Variants in FAM234B observed in about 807,000 individuals in gnomAD.
The protein encoded by FAM234B is protein FAM234B.
In FAM234B, 33 loss-of-function variants were observed where a neutral mutation model predicts 69.3. The ratio of observed to expected loss-of-function variants is 0.48; its 90% CI spans 0.36 to 0.64. The LOEUF is 0.64. Among genes scored for constraint, FAM234B ranks in the 30% least tolerant of loss-of-function variants. FAM234B has a pLI of 0.00. For synonymous variants in FAM234B, 306 were observed against 306.9 expected (o/e 1.00, Z 0.03); for missense variants, 697 against 769.7 (o/e 0.91, Z 1.12).
intron 1 of FAM234B, among the ~76,000 whole-genome samples, chr12:13,046,264 TTGTC>T (rs1591593968): frequency 1.3e-5 from 2 of 152,064 alleles, no homozygotes; most frequent in East Asian, 3.9e-4. Flanking sequence ...GCGTTTTTCC[TTGTC>T]TCCTTCTTGC....
intron 9 of FAM234B, among the ~76,000 whole-genome samples, chr12:13,068,967 C>T (rs901739359): frequency 3.3e-5 from 5 of 151,944 alleles, no homozygotes; most frequent in Admixed American, 1.3e-4. Context: ...TACAGTTAGG[C>T]ATTGGGGGCC....
In FAM234B at chr12:13,055,915, C is replaced by T; in HGVS notation, c.402C>T (p.Ser134=). The T allele has an allele frequency of 6.3e-7, 1 of 1,577,364 alleles. No homozygotes were observed. Among genetic ancestry groups the T allele is most frequent in the Non-Finnish European group, 8.6e-7 (1 of 1,160,712 alleles). Reference sequence around the variant, plus strand: ...CCTGTCCTCCCAGAGATCTGCACAGCACCTGGAGCCGCCACTTGGGCTCCC... The same window carrying T: ...CCTGTCCTCCCAGAGATCTGCACAGTACCTGGAGCCGCCACTTGGGCTCCC... ...LIPCPPRDLH[S]TWSRHLGSQG... Residue 134 remains serine (S), a synonymous_variant, in exon 2 of 13, where the codon AGC becomes AGT. Coordinates refer to ENST00000197268, the MANE Select transcript of FAM234B (RefSeq NM_020853.2).
rs1865217010 is a variant in FAM234B, at chr12:13,080,769, G to A, written c.*139G>A. The A allele has an allele frequency of 1.4e-6, 1 of 701,750 alleles. No homozygotes were observed. Among genetic ancestry groups the A allele is most frequent in the African/African-American group, 1.8e-5 (1 of 54,796 alleles). The allele number at this position is 701,750 out of a possible 1,614,324, so 43.5% of individuals were successfully genotyped here. On this transcript the variant is annotated 3_prime_UTR_variant, in exon 13 of 13. Transcript: ENST00000197268. ...CCTCCCTGATGGTTGCAAAGGCTTG[G>A]GAAGGCATGTTGGAGTCTTTGACGG...
At chr12:13,053,568 G>C (rs976191868) in intron 1 of FAM234B, among the ~76,000 whole-genome samples, 3 of 152,300 alleles carry the variant, frequency 2.0e-5, no homozygotes, top group African/African-American at 7.2e-5. Context: ...TTTTAAAAGG[G>C]GAGGGGGTGT....
intron 1 of FAM234B, among the ~76,000 whole-genome samples, chr12:13,046,286 T>G (rs1864811027): frequency 6.6e-6 from 1 of 152,196 alleles, no homozygotes; most frequent in Non-Finnish European, 1.5e-5. Context: ...TGCCCTTTCT[T>G]CTTCCCTCCA....
At chr12:13,049,958 G>T (rs1385107323) in intron 1 of FAM234B, among the ~76,000 whole-genome samples, 1 of 152,164 alleles carries the variant, frequency 6.6e-6, no homozygotes, top group Non-Finnish European at 1.5e-5. Context: ...TGCCAAAGGG[G>T]TGATCTAGGG....
chr12:13,053,699 TA>T (rs748472234), intron 1 of FAM234B, among the ~76,000 whole-genome samples: 4 of 152,164 alleles, frequency 2.6e-5, no homozygotes, highest in Admixed American at 6.5e-5. Context: ...ATTGTCTTGA[TA>T]AACATCTTAA....
intron 5 of FAM234B, among the ~76,000 whole-genome samples, chr12:13,065,138 A>C (rs1438711145): frequency 3.9e-5 from 6 of 152,204 alleles, no homozygotes; most frequent in Admixed American, 3.9e-4. Context: ...TCCTAAGCAG[A>C]AAGAAATCTG....
chr12:13,075,438 T>TTA (rs898988138), intron 10 of FAM234B, among the ~76,000 whole-genome samples: 9 of 148,470 alleles, frequency 6.1e-5, no homozygotes, highest in Non-Finnish European at 8.9e-5. Flanking sequence ...CTTTTCTTTT[T>TTA]TTTTTTTTTT....
chr12:13,052,941 T>C (rs1032352620), intron 1 of FAM234B, among the ~76,000 whole-genome samples: 4 of 152,210 alleles, frequency 2.6e-5, no homozygotes, highest in Non-Finnish European at 2.9e-5. Flanking sequence ...AATTATTATG[T>C]GTAGAGTTAT....
intron 12 of FAM234B, among the ~76,000 whole-genome samples, chr12:13,080,410 A>T (rs1865211923): frequency 6.6e-6 from 1 of 152,180 alleles, no homozygotes; most frequent in African/African-American, 2.4e-5. Flanking sequence ...CCCCACTCCC[A>T]AGAAATATTA....
rs188380088 is a variant in FAM234B at position 13,079,325 on chromosome 12, C to G, written c.1643-464C>G. Among the ~76,000 whole-genome samples the G allele has an allele frequency of 9.2e-3, 1,395 of 152,302 alleles. 8 individuals are homozygous for G. Among genetic ancestry groups the G allele is most frequent in the Non-Finnish European group, 0.013 (901 of 68,022 alleles). ...TATTTAATAAATGGTGCTGGGAAAACTGGCTAGCCATATGTAGAAAGCTGA... is the reference window on the plus strand; with the variant it reads ...TATTTAATAAATGGTGCTGGGAAAAGTGGCTAGCCATATGTAGAAAGCTGA... On this transcript the variant is annotated intron_variant, in intron 11 of 12. Transcript: ENST00000197268.
At chr12:13,045,526 A>G (rs1016001375) in intron 1 of FAM234B, among the ~76,000 whole-genome samples, 16 of 152,190 alleles carry the variant, frequency 1.1e-4, no homozygotes, top group African/African-American at 3.9e-4. Flanking sequence ...AGGAGCTTCC[A>G]GTATGCTACC....
intron 3 of FAM234B, among the ~76,000 whole-genome samples, chr12:13,059,512 A>AT (rs1864963518): frequency 1.3e-5 from 2 of 152,318 alleles, no homozygotes; most frequent in South Asian, 4.1e-4. Context: ...TAAGTACACA[A>AT]GGCTTTTGGT....
intron 1 of FAM234B, among the ~76,000 whole-genome samples, chr12:13,049,633 A>G (rs1864853658): frequency 6.6e-6 from 1 of 152,192 alleles, no homozygotes; most frequent in African/African-American, 2.4e-5. Context: ...CCTTTAGCTG[A>G]TTCCAATAAG....
At chr12:13,053,043 G>C (rs1247117352) in intron 1 of FAM234B, among the ~76,000 whole-genome samples, 2 of 152,144 alleles carry the variant, frequency 1.3e-5, no homozygotes, top group African/African-American at 2.4e-5. Context: ...TCTGGAACCT[G>C]TACTGACCCC....
In FAM234B at chr12:13,082,306, A is replaced by G. The variant is rs1050049223; in HGVS notation, c.*1676A>G. The G allele has an allele frequency of 6.6e-6, 1 of 152,118 alleles. No individual in the cohort carries two copies. Among genetic ancestry groups the G allele is most frequent in the African/African-American group, 2.4e-5 (1 of 41,414 alleles). 9.4% of individuals were successfully genotyped at this position (152,118 alleles called of 1,614,324 possible). On this transcript the variant is annotated 3_prime_UTR_variant, in exon 13 of 13. Coordinates refer to ENST00000197268, the MANE Select transcript of FAM234B (RefSeq NM_020853.2). The stretch of plus-strand genomic sequence containing the variant: ...GCTTGTGTTAGTAAAAGGATTCTAG[A>G]AAATTATGAAGTCCAGATTCAAAGG...
intron 1 of FAM234B, among the ~76,000 whole-genome samples, chr12:13,051,752 G>A (rs1043710491): frequency 2.6e-5 from 4 of 152,174 alleles, no homozygotes; most frequent in African/African-American, 4.8e-5. Flanking sequence ...TAAGTAATGG[G>A]TTGAAAGAGG....
intron 5 of FAM234B, among the ~76,000 whole-genome samples, chr12:13,065,238 T>C (rs57289352): frequency 0.24 from 36,836 of 152,082 alleles, 5,489 homozygotes; most frequent in East Asian, 0.53. Flanking sequence ...GAAAGCCCTT[T>C]AACCATTAGC....
Sources: allele counts gnomAD v4.1 joint callset (sites outside exome capture counted in the v4.1 genomes callset), GRCh38; gene constraint gnomAD v4.1.1; transcripts MANE v1.5; gene names NCBI Gene and HGNC (gene_info 2026-07-23, HGNC 2026-07-21).